Variants in ADCY3 observed in about 807,000 individuals in gnomAD.
ADCY3 encodes the protein adenylate cyclase type 3.
In ADCY3, 70 loss-of-function variants were observed where a neutral mutation model predicts 119.4. That is an observed-to-expected ratio of 0.59 (90% CI 0.48 to 0.72). The LOEUF (loss-of-function observed/expected upper bound fraction) is 0.72. ADCY3 is among the 30% of genes least tolerant of loss of function. The pLI is 0.00. For synonymous variants in ADCY3, 672 were observed against 621.4 expected (o/e 1.08, Z -1.21); for missense variants, 1,238 against 1,541.6 (o/e 0.80, Z 3.30).
intron 11 of ADCY3, 62 bp from the exon 12 acceptor site, chr2:24,831,811 T>C: frequency 2.9e-6 from 3 of 1,023,658 alleles, no homozygotes; most frequent in Non-Finnish European, 4.1e-6. Flanking sequence ...GGTGAGGGGC[T>C]AGGAGAGGAA....
In ADCY3 at chr2:24,841,297, G is replaced by A. The variant is rs1348515298; in HGVS notation, c.1158C>T (p.Cys386=). The change falls in exon 6 of 22, where the codon TGC becomes TGT. Residue 386 remains cysteine, a synonymous_variant. Transcript: ENST00000679454. The surrounding 1 kb of genome is among the most constrained non-coding windows in gnomAD (Gnocchi z 5.8). ...LPDYREDHAV[C]SILMGLAMVE... ...CCATGGCCAGCCCCATGAGGATGGA[G>A]CAGACGGCGTGGTCCTCCCGGTAGT... The A allele has an allele frequency of 1.3e-6, 2 of 1,573,452 alleles. No individual in the cohort carries two copies. Among genetic ancestry groups the A allele is most frequent in the Admixed American group, 1.9e-5 (1 of 53,478 alleles).
chr2:24,914,640 A>C (rs1192675699), intron 2 of ADCY3, among the ~76,000 whole-genome samples: 1 of 147,528 alleles, frequency 6.8e-6, no homozygotes, highest in African/African-American at 2.5e-5. Context: ...GTGCCATTGC[A>C]CTCCAGCCTC....
chr2:24,827,831 G>A, intron 14 of ADCY3, 71 bp downstream of exon 14: 1 of 1,594,726 alleles, frequency 6.3e-7, no homozygotes, highest in Non-Finnish European at 8.6e-7. Context: ...ACAGGCCCAT[G>A]AGCTTGAACT....
Position 24,840,038 on chromosome 2 carries a change from G to A in ADCY3, c.1197-7C>T. The A allele has an allele frequency of 6.2e-7, 1 of 1,602,004 alleles. No homozygotes were observed. Among genetic ancestry groups the A allele is most frequent in the Non-Finnish European group, 8.5e-7 (1 of 1,170,362 alleles). ...GGTCTTCTCCCGCACATACCTGCCAGGTACACACAGAAAGGAGGGTCAGGG... is the reference window on the plus strand; with the variant it reads ...GGTCTTCTCCCGCACATACCTGCCAAGTACACACAGAAAGGAGGGTCAGGG... On this transcript the variant is annotated splice_region_variant and splice_polypyrimidine_tract_variant and intron_variant, in intron 6 of 21. Transcript: ENST00000679454.
chr2:24,836,106 G>A (rs1419189251), intron 9 of ADCY3, among the ~76,000 whole-genome samples: 1 of 152,138 alleles, frequency 6.6e-6, no homozygotes, highest in African/African-American at 2.4e-5. Context: ...CGGGAGCAGC[G>A]TGGCCCTGGC....
In ADCY3 at chr2:24,842,286, G is replaced by A; in HGVS notation, c.924C>T (p.Asn308=). ...TCTCGTGACGGTACATGTACATGGTGTTGAACTGCTGCTGGTCCTTCTGGC... is the reference window on the plus strand; with the variant it reads ...TCTCGTGACGGTACATGTACATGGTATTGAACTGCTGCTGGTCCTTCTGGC... ...DESQKDQQQF[N]TMYMYRHENV... The change falls in exon 4 of 22, where the codon AAC becomes AAT. Residue 308 remains asparagine, a synonymous_variant. Transcript: ENST00000679454. This position sits in a 1 kb window ranked among gnomAD's most constrained non-coding sequence, Gnocchi z 4.9. The A allele has an allele frequency of 6.2e-7, 1 of 1,614,138 alleles. No homozygotes were observed. Among genetic ancestry groups the A allele is most frequent in the Non-Finnish European group, 8.5e-7 (1 of 1,180,038 alleles).
chr2:24,879,275 A>G (rs1676087233), intron 2 of ADCY3, among the ~76,000 whole-genome samples: 1 of 152,024 alleles, frequency 6.6e-6, no homozygotes, highest in Admixed American at 6.5e-5. Flanking sequence ...AATCGAGACC[A>G]TCCTGGCTAA....
At chr2:24,867,287 A>G (rs766740889) in intron 3 of ADCY3, among the ~76,000 whole-genome samples, 5 of 152,246 alleles carry the variant, frequency 3.3e-5, no homozygotes, top group Non-Finnish European at 5.9e-5. Context: ...GAAGTAAAAA[A>G]TGGCAGCCTA....
intron 13 of ADCY3, among the ~76,000 whole-genome samples, chr2:24,830,325 T>C (rs779288511): frequency 2.2e-4 from 34 of 152,226 alleles, no homozygotes; most frequent in Non-Finnish European, 3.5e-4. Context: ...AGGCGTGAGC[T>C]ACCGCGCCCA....
chr2:24,903,504 T>C (rs1017995858), intron 2 of ADCY3, among the ~76,000 whole-genome samples: 1 of 152,178 alleles, frequency 6.6e-6, no homozygotes, highest in Non-Finnish European at 1.5e-5. Context: ...TCACCCTCTG[T>C]TCCTCCTCCA....
intron 2 of ADCY3, among the ~76,000 whole-genome samples, chr2:24,910,270 A>G (rs1024204327): frequency 2.0e-5 from 3 of 152,114 alleles, no homozygotes; most frequent in Admixed American, 2.0e-4. Context: ...TGTCACGATC[A>G]TGGCTCATTG....
intron 3 of ADCY3, among the ~76,000 whole-genome samples, chr2:24,858,015 T>TTTTA (rs1208863865): frequency 8.0e-6 from 1 of 124,720 alleles, no homozygotes; most frequent in Non-Finnish European, 1.7e-5. Context: ...TTTTTTTTTT[T>TTTTA]AAAGAGACAG....
intron 3 of ADCY3, among the ~76,000 whole-genome samples, chr2:24,846,628 G>T (rs1671680811): frequency 6.6e-6 from 1 of 151,218 alleles, no homozygotes; most frequent in Admixed American, 6.6e-5. Flanking sequence ...CCCCAGGCTG[G>T]AATGCTGTAG....
intron 2 of ADCY3, among the ~76,000 whole-genome samples, chr2:24,875,993 G>C (rs1675646252): frequency 1.3e-5 from 2 of 151,548 alleles, no homozygotes; most frequent in African/African-American, 2.4e-5. Context: ...TTTTGGGAGG[G>C]GGGCGGTGGT....
Position 24,918,483 on chromosome 2 carries a change from C to G in ADCY3, c.505G>C (p.Val169Leu), listed in dbSNP as rs1573085481. 6.2e-7 allele frequency: 1 copy of G among 1,613,912 alleles called. No homozygotes were observed. Among genetic ancestry groups the G allele is most frequent in the African/African-American group, 1.3e-5 (1 of 74,926 alleles). ...AAGACAAAGAAGACCTGCCAGCCCA[C>G]CGTGTCACTAGCCGCGTGGGCACGC... Reference protein sequence around the residue: ...FARAHAASDTVGWQVFFVFSF... With the variant: ...FARAHAASDTLGWQVFFVFSF... Residue 169 changes from valine to leucine, a missense_variant, in exon 2 of 22, where the codon GTG (valine) becomes CTG (leucine). By Grantham distance (32) the Val-to-Leu change is conservative. Transcript: ENST00000679454. The surrounding 1 kb of genome is among the most constrained non-coding windows in gnomAD (Gnocchi z 5.4).
intron 2 of ADCY3, among the ~76,000 whole-genome samples, chr2:24,888,081 T>G (rs903919396): frequency 1.2e-4 from 19 of 152,208 alleles, no homozygotes; most frequent in Non-Finnish European, 5.9e-5. Flanking sequence ...CCTCAAACAC[T>G]GCCTTGTACA....
chr2:24,915,238 G>C (rs533847890), intron 2 of ADCY3, among the ~76,000 whole-genome samples: 12 of 152,376 alleles, frequency 7.9e-5, no homozygotes, highest in African/African-American at 2.4e-4. Context: ...CCTGGAGGGA[G>C]TCCCCAGCCA....
chr2:24,823,082 A>C lies in ADCY3; in HGVS notation c.2883+127T>G, dbSNP rs1293900386. 4.9e-6 allele frequency: 6 copies of C among 1,219,566 alleles called. No homozygotes were observed. In the East Asian group the frequency reaches 1.5e-4, roughly 31 times the overall value. The allele number at this position is 1,219,566 out of a possible 1,614,324, so 75.5% of individuals were successfully genotyped here. A position where few individuals can be genotyped will look rare whatever the true frequency, so the allele number is the denominator to read the frequency against. On this transcript the variant is annotated intron_variant, in intron 18 of 21. Coordinates refer to ENST00000679454, the MANE Select transcript of ADCY3 (RefSeq NM_004036.5). Reference sequence around the variant, plus strand: ...CAGTTCCAGGTGGCTGCAGAAGTCCATGTATTGCGGAAGGGGCTTATCTGG... The same window carrying C: ...CAGTTCCAGGTGGCTGCAGAAGTCCCTGTATTGCGGAAGGGGCTTATCTGG...
rs373021054 is a variant in ADCY3, at chr2:24,850,233, T to TA, written c.826-7850dup. ...GATTGGTGCTGGCCTTGTTTGCCCT[T>TA]AGAGTTCAGAGGTTCTAAACCCTTT... On this transcript the variant is annotated intron_variant, in intron 3 of 21. Transcript: ENST00000679454. 4.7e-3 allele frequency among the ~76,000 whole-genome samples: 711 copies of TA among 152,274 alleles called. 8 individuals are homozygous for TA. Among genetic ancestry groups the TA allele is most frequent in the African/African-American group, 0.016 (650 of 41,550 alleles).
Sources: gnomAD v4.1 joint callset for allele counts (sites outside exome capture counted in the v4.1 genomes callset) on GRCh38, gnomAD v4.1.1 for gene constraint, Gnocchi (gnomAD v3.1) non-coding constraint, MANE v1.5 for transcripts, NCBI Gene and HGNC (gene_info 2026-07-23, HGNC 2026-07-21) for gene names.